PBRM1: variants seen among roughly 807,000 people sequenced by gnomAD.
PBRM1 encodes polybromo 1, also known as protein polybromo-1.
Under a neutral mutation model 194.5 loss-of-function variants are expected in PBRM1, and 27 were observed. The ratio of observed to expected loss-of-function variants is 0.14; its 90% CI spans 0.10 to 0.19. The LOEUF is 0.19. Among genes scored for constraint, PBRM1 ranks in the 10% least tolerant of loss-of-function variants. The pLI is 1.00. For missense variants in PBRM1, 1,466 were observed against 2,077.2 expected (o/e 0.71, Z 5.72); for synonymous variants, 655 against 693.2 (o/e 0.94, Z 0.87).
At chr3:52,600,870 C>T (rs964359874) in intron 17 of PBRM1, among the ~76,000 whole-genome samples, 17 of 152,190 alleles carry the variant, frequency 1.1e-4, no homozygotes, top group African/African-American at 4.1e-4. Context: ...AACTCCTGAC[C>T]TCATGATCTG....
chr3:52,660,845 T>G (rs1661251423), intron 4 of PBRM1, among the ~76,000 whole-genome samples: 1 of 151,888 alleles, frequency 6.6e-6, no homozygotes, highest in African/African-American at 2.4e-5. Flanking sequence ...AAGAAGTAAT[T>G]GTATTTTTGA....
At chr3:52,647,916 C>G (rs1038463285) in intron 7 of PBRM1, among the ~76,000 whole-genome samples, 5 of 148,252 alleles carry the variant, frequency 3.4e-5, no homozygotes, top group African/African-American at 1.2e-4. Flanking sequence ...ACATTAAATA[C>G]TTTTTTTTTT....
At chr3:52,649,695 G>C (rs1192997820) in intron 6 of PBRM1, among the ~76,000 whole-genome samples, 1 of 152,186 alleles carries the variant, frequency 6.6e-6, no homozygotes, top group Non-Finnish European at 1.5e-5. Flanking sequence ...GCAGGCATTG[G>C]AAAACAAGTG....
At chr3:52,649,266 CATA>C (rs1378268834) in intron 6 of PBRM1, among the ~76,000 whole-genome samples, 2 of 152,148 alleles carry the variant, frequency 1.3e-5, no homozygotes, top group Non-Finnish European at 2.9e-5. Context: ...CTCTACCTCC[CATA>C]ATGAGGATGT....
At chr3:52,579,237 T>C (rs1560028597) in intron 20 of PBRM1, 38 bp from the exon 23 acceptor site, 3 of 1,586,244 alleles carry the variant, frequency 1.9e-6, no homozygotes, top group Non-Finnish European at 1.7e-6. Context: ...AGGTAGTTGA[T>C]AATCAAGGAA....
At chr3:52,659,992 G>A (rs888279866) in intron 4 of PBRM1, among the ~76,000 whole-genome samples, 2 of 152,246 alleles carry the variant, frequency 1.3e-5, no homozygotes, top group Non-Finnish European at 2.9e-5. Flanking sequence ...TCAGGAGGCT[G>A]AGGCAGAAGA....
At chr3:52,612,252 C>T (rs1176820007) in intron 15 of PBRM1, among the ~76,000 whole-genome samples, 1 of 49,278 alleles carries the variant, frequency 2.0e-5, no homozygotes, top group Non-Finnish European at 4.3e-5. Flanking sequence ...GAGCGAGATT[C>T]CGTCTCAAAA....
At chr3:52,660,744 C>T (rs562420017) in intron 4 of PBRM1, among the ~76,000 whole-genome samples, 1 of 152,230 alleles carries the variant, frequency 6.6e-6, no homozygotes, top group South Asian at 2.1e-4. Context: ...AACTCCTGAC[C>T]TCAGGTGATC....
chr3:52,660,499 A>ATATC lies in PBRM1; in HGVS notation c.528+1630_528+1633dup, dbSNP rs201570817. On this transcript the variant is annotated intron_variant, in intron 4 of 29. Coordinates refer to ENST00000296302, the Ensembl canonical transcript of PBRM1. ...ATATGTGTGTATATATATTTTGTGT[A>ATATC]TATCTATCTATCTATCTATCTATAT... Among the ~76,000 whole-genome samples, 547 of 151,990 alleles carry ATATC rather than the reference A, an allele frequency of 3.6e-3. 1 individual carries two copies. The highest frequency in any genetic ancestry group is 0.024 in the Middle Eastern group (7 of 292).
rs780361889 is a variant in PBRM1 at position 52,641,002 on chromosome 3, T to C, written c.1087+952A>G. Among the ~76,000 whole-genome samples, 18 of 152,264 alleles carry C rather than the reference T, an allele frequency of 1.2e-4. No homozygotes were observed. In the Middle Eastern group the frequency reaches 0.01, roughly 86 times the overall value. On this transcript the variant is annotated intron_variant, in intron 10 of 29. Coordinates refer to ENST00000296302, the Ensembl canonical transcript of PBRM1. Reference sequence around the variant, plus strand: ...AAGAAGATAATATTTTTTCAATTTCTGATAAGACCAGGCCCAATTTAAATA... The same window carrying C: ...AAGAAGATAATATTTTTTCAATTTCCGATAAGACCAGGCCCAATTTAAATA...
At chr3:52,672,119 G>C (rs2096962148) in intron 2 of PBRM1, among the ~76,000 whole-genome samples, 1 of 152,194 alleles carries the variant, frequency 6.6e-6, no homozygotes, top group South Asian at 2.1e-4. Context: ...CTAGTACGGA[G>C]CATCTAGCGA....
intron 13 of PBRM1, among the ~76,000 whole-genome samples, chr3:52,625,938 G>C (rs1029568306): frequency 6.6e-6 from 1 of 152,052 alleles, no homozygotes; most frequent in Non-Finnish European, 1.5e-5. Context: ...TGTAATTTTC[G>C]AGTATCTGGC....
chr3:52,561,893 G>A (rs1261731565), exon 25 of PBRM1: 2 of 1,613,992 alleles, frequency 1.2e-6, no homozygotes, highest in South Asian at 2.2e-5. Flanking sequence ...CTGCTGAACA[G>A]GATGTAGCCA....
At chr3:52,549,870 A>T (rs1471048550) in intron 29 of PBRM1, among the ~76,000 whole-genome samples, 1 of 151,122 alleles carries the variant, frequency 6.6e-6, no homozygotes, top group Non-Finnish European at 1.5e-5. Context: ...GTACCACTGC[A>T]CTCCAGCCTG....
chr3:52,552,666 T>A (rs1570), intron 27 of PBRM1, among the ~76,000 whole-genome samples: 63,242 of 151,866 alleles, frequency 0.42, 13,396 homozygotes, highest in Admixed American at 0.51. Context: ...GACAGCTATG[T>A]CCCAACACCC....
At chr3:52,549,945 C>T (rs1575452902) in intron 29 of PBRM1, among the ~76,000 whole-genome samples, 2 of 149,614 alleles carry the variant, frequency 1.3e-5, no homozygotes, top group African/African-American at 4.9e-5. Flanking sequence ...AGGCCAGGCA[C>T]AGTGGCTCAC....
intron 4 of PBRM1, among the ~76,000 whole-genome samples, chr3:52,660,490 A>T (rs1054825890): frequency 1.3e-5 from 2 of 151,962 alleles, no homozygotes; most frequent in Non-Finnish European, 2.9e-5. Flanking sequence ...GTGTATATAT[A>T]TTTTGTGTAT....
chr3:52,577,515 C>G (rs2089988686), intron 21 of PBRM1, among the ~76,000 whole-genome samples: 1 of 151,258 alleles, frequency 6.6e-6, no homozygotes, highest in Non-Finnish European at 1.5e-5. Context: ...TGACAACTAA[C>G]CCATAAAGCT....
At chr3:52,579,386 G>C in intron 20 of PBRM1, 187 bp from the exon 23 acceptor site, 2 of 603,578 alleles carry the variant, frequency 3.3e-6, no homozygotes, top group East Asian at 5.6e-5. Context: ...AAGAGTTTGA[G>C]ACCAGCTTGG....
Sources: gnomAD v4.1 joint callset for allele counts (sites outside exome capture counted in the v4.1 genomes callset) on GRCh38, gnomAD v4.1.1 for gene constraint, MANE v1.5 for transcripts, NCBI Gene and HGNC (gene_info 2026-07-23, HGNC 2026-07-21) for gene names.